The following GRIA4 variants were observed in gnomAD, a reference collection of about 807,000 sequenced individuals.
GRIA4 encodes glutamate ionotropic receptor AMPA type subunit 4, also known as glutamate receptor 4.
GRIA4 carries 34 observed loss-of-function variants against 104.0 expected under a neutral mutation model. The ratio of observed to expected loss-of-function variants is 0.33; its 90% CI spans 0.25 to 0.44. The LOEUF (loss-of-function observed/expected upper bound fraction) is 0.44. GRIA4 is among the 20% of genes least tolerant of loss of function. GRIA4 has a pLI of 1.00. For missense variants in GRIA4, 750 were observed against 1,096.5 expected, an observed-to-expected ratio of 0.68 and a Z score of 4.46; for synonymous variants, 386 against 381.9, an observed-to-expected ratio of 1.01 and a Z score of -0.13.
At chr11:105,884,609 TA>T (rs1946185997) in intron 5 of GRIA4, among the ~76,000 whole-genome samples, 1 of 152,130 alleles carries the variant, frequency 6.6e-6, no homozygotes, top group African/African-American at 2.4e-5. Flanking sequence ...ACCAGCCAGG[TA>T]AATAAATCTC....
chr11:105,882,997 T>C (rs1946119026), intron 5 of GRIA4, among the ~76,000 whole-genome samples: 1 of 152,194 alleles, frequency 6.6e-6, no homozygotes, highest in Non-Finnish European at 1.5e-5. Context: ...TTAATATGCA[T>C]AGGCCTGATT....
At chr11:105,969,129 TTCC>T (rs772019184) in intron 14 of GRIA4, among the ~76,000 whole-genome samples, 10 of 152,210 alleles carry the variant, frequency 6.6e-5, no homozygotes, top group Non-Finnish European at 1.5e-4. Context: ...GGTCGTGCAC[TTCC>T]TGATAATTTG....
chr11:105,904,036 A>G (rs1946957634), intron 8 of GRIA4, 55 bp downstream of exon 8: 2 of 1,236,930 alleles, frequency 1.6e-6, no homozygotes, highest in South Asian at 1.4e-5. Flanking sequence ...TTTTAACTGA[A>G]TGTTCAAAAA....
intron 4 of GRIA4, among the ~76,000 whole-genome samples, chr11:105,836,207 C>T (rs1407996448): frequency 6.6e-6 from 1 of 151,964 alleles, no homozygotes; most frequent in East Asian, 1.9e-4. Context: ...CATCAGACCC[C>T]AATCATAGAA....
At position 105,877,194 on chromosome 11, in the gene GRIA4, T is replaced by C. The variant is rs763554540; in HGVS notation, c.673-10325T>C. Among the ~76,000 whole-genome samples, 7 of 152,350 alleles carry C rather than the reference T, an allele frequency of 4.6e-5. No homozygotes were observed. In the South Asian group the frequency reaches 6.2e-4, roughly 14 times the overall value. On this transcript the variant is annotated intron_variant, in intron 5 of 16. Coordinates refer to ENST00000282499, the MANE Select transcript of GRIA4 (RefSeq NM_000829.4). Reference sequence around the variant, plus strand: ...CTTAGTTTGGCTGGATATGAAATTCTGGGTTAAAAAATCTACCCTTTAAGA... The same window carrying C: ...CTTAGTTTGGCTGGATATGAAATTCCGGGTTAAAAAATCTACCCTTTAAGA...
In GRIA4 at chr11:105,753,102, T is replaced by C. The variant is rs1465982676; in HGVS notation, c.369T>C (p.Pro123=). ...TCTCCCTCATCACACCAAGTTTCCC[T>C]ACTGAGGGGGAGAGCCAGTTTGTGC... ...LHISLITPSF[P]TEGESQFVLQ... is the part of the protein sequence containing the mutation. The change falls in exon 4 of 17, where the codon CCT becomes CCC. Residue 123 remains proline (P), a synonymous_variant. Transcript: ENST00000282499. 6.8e-6 allele frequency: 11 copies of C among 1,613,770 alleles called. No homozygotes were observed. The African/African-American group carries it at 8.0e-5, about 12-fold the overall frequency.
At chr11:105,695,445 CGT>C (rs964445088) in intron 3 of GRIA4, among the ~76,000 whole-genome samples, 5 of 144,078 alleles carry the variant, frequency 3.5e-5, no homozygotes, top group Non-Finnish European at 6.1e-5. Flanking sequence ...TGTATGCGTG[CGT>C]GTGTGTGTGT....
At chr11:105,776,816 G>A (rs932044466) in intron 4 of GRIA4, among the ~76,000 whole-genome samples, 4 of 151,998 alleles carry the variant, frequency 2.6e-5, no homozygotes, top group African/African-American at 9.7e-5. Flanking sequence ...AAATGCTTGG[G>A]GTCACAAACA....
rs1859219120 is a variant in GRIA4, at chr11:105,980,614, A to G, written c.*875A>G. ...GTAGACTCGAAAGAGATGACAGGTC[A>G]CTCATGTTAATGGTATTATTTATAA... On this transcript the variant is annotated 3_prime_UTR_variant, in exon 17 of 17. Transcript: ENST00000282499. 1 of 149,508 alleles carries G rather than the reference A, an allele frequency of 6.7e-6. No individual in the cohort carries two copies. Among genetic ancestry groups the G allele is most frequent in the Non-Finnish European group, 1.5e-5 (1 of 66,812 alleles). 9.3% of individuals were successfully genotyped at this position (149,508 alleles called of 1,614,324 possible).
intron 3 of GRIA4, among the ~76,000 whole-genome samples, chr11:105,619,787 C>A (rs910468057): frequency 1.3e-5 from 2 of 151,900 alleles, no homozygotes; most frequent in South Asian, 4.1e-4. Flanking sequence ...AGTACTTCAG[C>A]CCTAAAGGAG....
rs193140026 is a variant in GRIA4 at position 105,737,631 on chromosome 11, C to G, written c.248-15350C>G. Among the ~76,000 whole-genome samples, 3 of 152,242 alleles carry G rather than the reference C, an allele frequency of 2.0e-5. No homozygotes were observed. The East Asian group carries it at 5.8e-4, about 29-fold the overall frequency. The stretch of plus-strand genomic sequence containing the variant: ...AGAAGAAACCAATTTTCCGTAATCC[C>G]TTAAGACCTACTCCTGTTTCCATGA... On this transcript the variant is annotated intron_variant, in intron 3 of 16. Transcript: ENST00000282499.
intron 3 of GRIA4, among the ~76,000 whole-genome samples, chr11:105,682,178 A>T (rs918810556): frequency 6.6e-6 from 1 of 152,186 alleles, no homozygotes; most frequent in Non-Finnish European, 1.5e-5. Flanking sequence ...TTTACACTCA[A>T]TAAAAATGTG....
At chr11:105,966,878 C>T (rs1464412243) in intron 14 of GRIA4, among the ~76,000 whole-genome samples, 1 of 152,148 alleles carries the variant, frequency 6.6e-6, no homozygotes, top group Admixed American at 6.6e-5. Context: ...AGCTCACTTA[C>T]ATCTTCCCAT....
intron 15 of GRIA4, among the ~76,000 whole-genome samples, chr11:105,973,239 T>C (rs968180218): frequency 6.6e-6 from 1 of 152,162 alleles, no homozygotes; most frequent in Non-Finnish European, 1.5e-5. Flanking sequence ...ATAAAACTCG[T>C]TAAGGGTCTG....
Position 105,661,698 on chromosome 11 carries a change from A to AGT in GRIA4, c.247+49264_247+49265insGT, listed in dbSNP as rs397747638. On this transcript the variant is annotated intron_variant, in intron 3 of 16. Transcript: ENST00000282499. ...GTCCAACTGAAACAGAGAGAAAAAG[A>AGT]AGAGGAATAGATAAGCAGCATGGTA... Among the ~76,000 whole-genome samples the AGT allele has an allele frequency of 1.3e-5, 2 of 150,378 alleles. 1 individual carries two copies.
intron 7 of GRIA4, among the ~76,000 whole-genome samples, chr11:105,900,865 AC>A (rs1946830036): frequency 6.6e-6 from 1 of 152,206 alleles, no homozygotes; most frequent in Non-Finnish European, 1.5e-5. Flanking sequence ...GGCATGAGCC[AC>A]TGCGCCTGGC....
At position 105,816,912 on chromosome 11, in the gene GRIA4, A is replaced by G. The variant is rs955571384; in HGVS notation, c.488-45112A>G. On this transcript the variant is annotated intron_variant, in intron 4 of 16. Transcript: ENST00000282499. ...ATGCCCATAGTCCTAGATACTCAGGAGGAAGGCTGAGAAGGGAGGACTGTT... is the reference window on the plus strand; with the variant it reads ...ATGCCCATAGTCCTAGATACTCAGGGGGAAGGCTGAGAAGGGAGGACTGTT... 2.6e-5 allele frequency among the ~76,000 whole-genome samples: 4 copies of G among 152,112 alleles called. No individual in the cohort carries two copies. The East Asian group carries it at 7.7e-4, about 29-fold the overall frequency.
At chr11:105,630,365 A>C (rs979748141) in intron 3 of GRIA4, among the ~76,000 whole-genome samples, 5 of 132,858 alleles carry the variant, frequency 3.8e-5, no homozygotes, top group Admixed American at 8.6e-5. Flanking sequence ...GGAGTTCAAG[A>C]CCAGCCTGAC....
intron 3 of GRIA4, among the ~76,000 whole-genome samples, chr11:105,632,607 A>C (rs954832750): frequency 3.9e-5 from 6 of 152,192 alleles, no homozygotes; most frequent in African/African-American, 1.4e-4. Context: ...TTTTACTAGA[A>C]ATATCTAAAG....
Sources: gnomAD v4.1 joint callset for allele counts (sites outside exome capture counted in the v4.1 genomes callset) on GRCh38, gnomAD v4.1.1 for gene constraint, MANE v1.5 for transcripts, NCBI Gene and HGNC (gene_info 2026-07-23, HGNC 2026-07-21) for gene names.